Variants in ELOVL2 observed in about 807,000 individuals in gnomAD.
The protein encoded by ELOVL2 is very long chain fatty acid elongase 2.
Under a neutral mutation model 37.7 loss-of-function variants are expected in ELOVL2, and 38 were observed. That is an observed-to-expected ratio of 1.01 (90% CI 0.78 to 1.32). The LOEUF (loss-of-function observed/expected upper bound fraction) is 1.32, where lower values mean the gene tolerates loss of function less well. ELOVL2 is among the 40% of genes most tolerant of loss of function. ELOVL2 has a pLI of 0.00. For missense variants in ELOVL2, 352 were observed against 363.6 expected (o/e 0.97, Z 0.26); for synonymous variants, 115 against 122.3 (o/e 0.94, Z 0.40).
chr6:11,024,911 A>AG (rs1396885925), intron 1 of ELOVL2, among the ~76,000 whole-genome samples: 1 of 152,328 alleles, frequency 6.6e-6, no homozygotes, highest in Non-Finnish European at 1.5e-5. Context: ...TACATTTGAG[A>AG]GAAACTGTTT....
intron 1 of ELOVL2, among the ~76,000 whole-genome samples, chr6:11,040,448 G>GA (rs910108833): frequency 7.3e-5 from 11 of 151,542 alleles, no homozygotes; most frequent in South Asian, 4.2e-4. Flanking sequence ...GATTTTCTAT[G>GA]AAAAAAAACA....
chr6:10,995,169 C>T lies in ELOVL2; in HGVS notation c.343G>A (p.Val115Met). Residue 115 changes from valine to methionine, a missense_variant, in exon 5 of 8, where the codon GTG becomes ATG. Val to Met is a conservative substitution (Grantham distance 21). Coordinates refer to ENST00000354666, the MANE Select transcript of ELOVL2 (RefSeq NM_017770.4). ...TTGGAGAAATAGTACCACCAAAGCA[C>T]CTTGGCTACCTATAGAAATTTGTAA... ...AGEADIRVAK[V>M]LWWYYFSKSV... 6.2e-7 allele frequency: 1 copy of T among 1,603,406 alleles called. No homozygotes were observed. The highest frequency in any genetic ancestry group is 8.5e-7 in the Non-Finnish European group (1 of 1,175,028).
intron 1 of ELOVL2, among the ~76,000 whole-genome samples, chr6:11,038,830 TTG>T (rs1783056823): frequency 6.6e-6 from 1 of 152,210 alleles, no homozygotes; most frequent in Non-Finnish European, 1.5e-5. Flanking sequence ...TCAAACTGAA[TTG>T]TGATAATTAA....
chr6:11,006,628 C>T (rs3756962), intron 2 of ELOVL2, among the ~76,000 whole-genome samples: 27,892 of 152,130 alleles, frequency 0.18, 3,436 homozygotes, highest in East Asian at 0.44. Flanking sequence ...TTAAACCACC[C>T]GCCCTACAGA....
In ELOVL2 at chr6:10,983,849, C is replaced by G. The variant is rs752211623; in HGVS notation, c.823G>C (p.Val275Leu). 6 of 1,614,058 alleles carry G rather than the reference C, an allele frequency of 3.7e-6. No homozygotes were observed. The East Asian group carries it at 1.1e-4, about 30-fold the overall frequency. The change falls in exon 8 of 8, where the codon GTG becomes CTG. Residue 275 changes from valine to leucine, a missense_variant. Physicochemically the swap from Val to Leu is conservative, Grantham distance 32. Coordinates refer to ENST00000354666, the MANE Select transcript of ELOVL2 (RefSeq NM_017770.4). ...TAGGCTTTGGAAAAACCATTCTTCA[C>G]TTCTTTCCCTGCAGGTGGCTCTTGC... ...DMQEPPAGKE[V>L]KNGFSKAYFT...
intron 1 of ELOVL2, among the ~76,000 whole-genome samples, chr6:11,016,791 C>A (rs1285587784): frequency 6.6e-6 from 1 of 151,716 alleles, no homozygotes; most frequent in Non-Finnish European, 1.5e-5. Flanking sequence ...AATGTGTTCA[C>A]CTTTGTGAAT....
intron 1 of ELOVL2, among the ~76,000 whole-genome samples, chr6:11,022,606 T>C (rs1189235319): frequency 1.3e-5 from 2 of 152,202 alleles, no homozygotes; most frequent in Non-Finnish European, 2.9e-5. Flanking sequence ...ACAAAAAATT[T>C]TGAGTTTGCC....
intron 3 of ELOVL2, among the ~76,000 whole-genome samples, chr6:11,005,023 G>A (rs966235991): frequency 6.6e-6 from 1 of 152,154 alleles, no homozygotes; most frequent in African/African-American, 2.4e-5. Flanking sequence ...GCCGGGCATG[G>A]TGGGGAGTAC....
At chr6:11,033,116 T>A (rs1333629133) in intron 1 of ELOVL2, among the ~76,000 whole-genome samples, 1 of 152,162 alleles carries the variant, frequency 6.6e-6, no homozygotes, top group Non-Finnish European at 1.5e-5. Flanking sequence ...TGCCCCTAAA[T>A]GTCTACCTAT....
intron 3 of ELOVL2, among the ~76,000 whole-genome samples, chr6:11,003,042 T>C (rs1782418232): frequency 1.3e-5 from 2 of 152,234 alleles, no homozygotes; most frequent in African/African-American, 4.8e-5. Flanking sequence ...AACAAACTTG[T>C]ATCTTCTGAC....
intron 1 of ELOVL2, among the ~76,000 whole-genome samples, chr6:11,014,218 C>T (rs927766466): frequency 6.6e-6 from 1 of 152,160 alleles, no homozygotes; most frequent in Non-Finnish European, 1.5e-5. Context: ...TAAACATACA[C>T]CTACCATATG....
chr6:11,005,072 T>C (rs764655399), intron 3 of ELOVL2, among the ~76,000 whole-genome samples: 8 of 151,980 alleles, frequency 5.3e-5, no homozygotes, highest in Admixed American at 3.3e-4. Context: ...GGCACGAGAA[T>C]CGCTTGAACC....
intron 2 of ELOVL2, among the ~76,000 whole-genome samples, chr6:11,008,443 C>T (rs559966113): frequency 6.6e-6 from 1 of 152,262 alleles, no homozygotes; most frequent in South Asian, 2.1e-4. Context: ...ACCACTGTCA[C>T]CAACAAATCA....
At position 10,990,329 on chromosome 6, in the gene ELOVL2, G is replaced by A; in HGVS notation, c.619C>T (p.Gln207Ter). The A allele has an allele frequency of 6.2e-7, 1 of 1,612,368 alleles. No homozygotes were observed. Among genetic ancestry groups the A allele is most frequent in the South Asian group, 1.1e-5 (1 of 90,456 alleles). Residue 207 changes from glutamine (Q) to a stop codon, truncating the protein, a stop_gained, in exon 6 of 8, where the codon CAG (glutamine) becomes TAG (stop). Transcript: ENST00000354666. LOFTEE classifies it high-confidence loss of function. ...AAGGGACAACATACCAGCTGAGCCT[G>A]TGTGAGATATTTCTTCCACCAAAGA... is the stretch of plus-strand genomic sequence containing the variant. ...KYLWWKKYLT[Q>*]AQLVQFVLTI...
At position 10,983,133 on chromosome 6, in the gene ELOVL2, T is replaced by C. The variant is rs1210303289; in HGVS notation, c.*648A>G. ...TCTTGCAGAAGCATTTTTTTCTCCT[T>C]AGAATAACTAATATTTAAAATAAAT... is the stretch of plus-strand genomic sequence containing the variant. On this transcript the variant is annotated 3_prime_UTR_variant, in exon 8 of 8. Coordinates refer to ENST00000354666, the MANE Select transcript of ELOVL2 (RefSeq NM_017770.4). 5 of 152,190 alleles carry C rather than the reference T, an allele frequency of 3.3e-5. No individual in the cohort carries two copies. 9.4% of individuals were successfully genotyped at this position (152,190 alleles called of 1,614,324 possible).
chr6:10,994,943 A>G (rs1203153170), intron 5 of ELOVL2, 64 bp downstream of exon 5: 11 of 1,329,610 alleles, frequency 8.3e-6, no homozygotes, highest in East Asian at 2.4e-5. Flanking sequence ...TGCTTAATAC[A>G]AGACAGCACC....
chr6:11,030,337 C>G (rs545087526), intron 1 of ELOVL2, among the ~76,000 whole-genome samples: 1 of 152,258 alleles, frequency 6.6e-6, no homozygotes, highest in Admixed American at 6.5e-5. Context: ...CTATTCTTAA[C>G]AGACCTCTGA....
Position 10,983,596 on chromosome 6 carries a change from G to T in ELOVL2, c.*185C>A. Reference sequence around the variant, plus strand: ...CCTCGGAGGTGAGCATCACCTCAATGCTGATCAAAGCATTCAGTTAACAGA... The same window carrying T: ...CCTCGGAGGTGAGCATCACCTCAATTCTGATCAAAGCATTCAGTTAACAGA... On this transcript the variant is annotated 3_prime_UTR_variant, in exon 8 of 8. Coordinates refer to ENST00000354666, the MANE Select transcript of ELOVL2 (RefSeq NM_017770.4). The T allele has an allele frequency of 1.6e-6, 1 of 626,670 alleles. No homozygotes were observed. Among genetic ancestry groups the T allele is most frequent in the Non-Finnish European group, 2.5e-6 (1 of 392,968 alleles). The allele number at this position is 626,670 out of a possible 1,614,324, so 38.8% of individuals were successfully genotyped here. A position where few individuals can be genotyped will look rare whatever the true frequency, so the allele number is the denominator to read the frequency against.
chr6:11,016,538 C>T (rs944153109), intron 1 of ELOVL2, among the ~76,000 whole-genome samples: 4 of 152,148 alleles, frequency 2.6e-5, no homozygotes, highest in East Asian at 3.9e-4. Context: ...GAATAGATTT[C>T]GTACTAACCT....
Sources: gnomAD v4.1 joint callset for allele counts (sites outside exome capture counted in the v4.1 genomes callset) on GRCh38, gnomAD v4.1.1 for gene constraint, MANE v1.5 for transcripts, NCBI Gene and HGNC (gene_info 2026-07-23, HGNC 2026-07-21) for gene names.